MYO18B: variants seen among roughly 807,000 people sequenced by gnomAD.
MYO18B encodes the protein myosin XVIIIB.
A neutral mutation model predicts 273.0 loss-of-function variants in MYO18B; 204 were observed. That is an observed-to-expected ratio of 0.75 (90% CI 0.67 to 0.84). The LOEUF is 0.84. Ranked by LOEUF, MYO18B falls within the 40% of genes least tolerant of loss-of-function variation. The pLI is 0.00. For synonymous variants in MYO18B, 1,330 were observed against 1,305.7 expected, an observed-to-expected ratio of 1.02 and a Z score of -0.40; for missense variants, 3,212 against 3,287.6, an observed-to-expected ratio of 0.98 and a Z score of 0.56.
At chr22:25,990,686 CAAAAAAAAAAAAAAAAAAAAA>C (rs745998234) in intron 39 of MYO18B, among the ~76,000 whole-genome samples, 2 of 27,014 alleles carry the variant, frequency 7.4e-5, no homozygotes, top group Admixed American at 9.5e-4. Flanking sequence ...GACTTTGTCT[CAAAAAAAAAAAAAAAAAAAAA>C]AAAAAAAAAA....
At chr22:25,911,403 G>A (rs994660644) in intron 33 of MYO18B, among the ~76,000 whole-genome samples, 3 of 152,346 alleles carry the variant, frequency 2.0e-5, no homozygotes, top group Admixed American at 2.0e-4. Flanking sequence ...TTTGCTAGAA[G>A]CAGTCAGCCT....
Position 25,893,478 on chromosome 22 carries a change from A to C in MYO18B, c.4544-1678A>C, listed in dbSNP as rs1009779113. On this transcript the variant is annotated intron_variant, in intron 27 of 43. Transcript: ENST00000335473. ...CCCCTCTTGTTCGTGTTGCCCACTC[A>C]TGCCACTTGCTCTATAGCACATCAT... 2.0e-5 allele frequency among the ~76,000 whole-genome samples: 3 copies of C among 152,198 alleles called. No homozygotes were observed. The East Asian group carries it at 5.8e-4, about 29-fold the overall frequency.
intron 7 of MYO18B, among the ~76,000 whole-genome samples, chr22:25,774,735 G>A (rs75530257): frequency 0.013 from 1,993 of 152,338 alleles, 42 homozygotes; most frequent in African/African-American, 0.045. Flanking sequence ...CCACCTCGAG[G>A]ATGGGCTGGG....
chr22:25,826,335 A>C (rs1321156884), intron 13 of MYO18B, 74 bp from the exon 14 acceptor site: 2 of 1,094,358 alleles, frequency 1.8e-6, no homozygotes, highest in East Asian at 4.8e-5. Context: ...AGTGGTCCCT[A>C]CTGCTCTGCA....
chr22:25,791,582 A>C (rs1050585603), intron 11 of MYO18B, among the ~76,000 whole-genome samples: 1 of 152,092 alleles, frequency 6.6e-6, no homozygotes, highest in African/African-American at 2.4e-5. Flanking sequence ...TCTTCTCTAT[A>C]ATTTCTTTTT....
chr22:25,847,235 G>T (rs1013418941), intron 19 of MYO18B, among the ~76,000 whole-genome samples, 195 bp from the exon 20 acceptor site: 1 of 152,190 alleles, frequency 6.6e-6, no homozygotes, highest in African/African-American at 2.4e-5. Context: ...CCATGCCTCA[G>T]TTTCTCCATC....
chr22:25,808,013 C>T (rs1271718157), intron 12 of MYO18B, among the ~76,000 whole-genome samples: 1 of 152,096 alleles, frequency 6.6e-6, no homozygotes, highest in Non-Finnish European at 1.5e-5. Flanking sequence ...GCAAAGTTTC[C>T]ATAGCCAATG....
chr22:26,039,402 A>G, the MYO18B span, among the ~76,000 whole-genome samples: 2 of 152,204 alleles, frequency 1.3e-5, no homozygotes, highest in South Asian at 4.2e-4. Context: ...ATTCATTCAT[A>G]TGCTCACTCA....
At chr22:25,898,249 A>G (rs1218918819) in intron 28 of MYO18B, 58 bp from the exon 29 acceptor site, 90 of 1,555,504 alleles carry the variant, frequency 5.8e-5, no homozygotes, top group Non-Finnish European at 7.5e-5. Context: ...TGAAATACAA[A>G]GTAAAAAGCT....
chr22:25,851,604 G>T (rs756090483), intron 21 of MYO18B, 25 bp downstream of exon 21: 17 of 1,467,010 alleles, frequency 1.2e-5, no homozygotes, highest in Non-Finnish European at 1.4e-5. Context: ...TGCGAGAGGG[G>T]TGAAGGCCCT....
At chr22:26,019,440 C>T (rs781306326) in intron 42 of MYO18B, among the ~76,000 whole-genome samples, 10 of 152,154 alleles carry the variant, frequency 6.6e-5, no homozygotes, top group African/African-American at 9.7e-5. Flanking sequence ...CTGTTGTGAG[C>T]GTAAACTTGA....
At chr22:25,898,227 A>G in intron 28 of MYO18B, 80 bp from the exon 29 acceptor site, 1 of 1,496,166 alleles carries the variant, frequency 6.7e-7, no homozygotes, top group Admixed American at 2.1e-5. Context: ...CACCTTGGAA[A>G]TAGCAACTCC....
intron 1 of MYO18B, among the ~76,000 whole-genome samples, chr22:25,756,055 G>A (rs765204138): frequency 6.6e-6 from 1 of 151,974 alleles, no homozygotes; most frequent in African/African-American, 2.4e-5. Flanking sequence ...CTGCCACCAC[G>A]CCTAGCTAAT....
chr22:25,835,826 A>G (rs2089879733), intron 17 of MYO18B, among the ~76,000 whole-genome samples: 1 of 152,244 alleles, frequency 6.6e-6, no homozygotes. Flanking sequence ...ACAGAGAGCC[A>G]GGAACACGAT....
chr22:25,865,629 T>C (rs1438606432), intron 21 of MYO18B, among the ~76,000 whole-genome samples: 1 of 152,216 alleles, frequency 6.6e-6, no homozygotes, highest in Non-Finnish European at 1.5e-5. Context: ...CCCATCTTTC[T>C]GAATGGAGTC....
chr22:25,848,643 T>C (rs538255119), intron 20 of MYO18B, among the ~76,000 whole-genome samples: 1 of 152,250 alleles, frequency 6.6e-6, no homozygotes, highest in Non-Finnish European at 1.5e-5. Context: ...GTCTGTATTT[T>C]AGTAAGAAAA....
At chr22:25,903,156 C>T in intron 30 of MYO18B, 1 of 199,892 alleles carries the variant, frequency 5.0e-6, no homozygotes, top group Admixed American at 5.4e-5. Flanking sequence ...CGCAGGAGAA[C>T]CTCTGAGCGC....
intron 21 of MYO18B, among the ~76,000 whole-genome samples, chr22:25,862,998 C>T (rs2090782843): frequency 6.6e-6 from 1 of 151,950 alleles, no homozygotes; most frequent in Non-Finnish European, 1.5e-5. Context: ...ATTTATTTTT[C>T]CTCCTTCCTA....
chr22:26,007,263 A>G (rs538714831), intron 42 of MYO18B, among the ~76,000 whole-genome samples: 2 of 152,344 alleles, frequency 1.3e-5, no homozygotes, highest in East Asian at 1.9e-4. Flanking sequence ...TGACCAGAGC[A>G]TCAAGGCTGG....
Sources: gnomAD v4.1 joint callset for allele counts (sites outside exome capture counted in the v4.1 genomes callset) on GRCh38, gnomAD v4.1.1 for gene constraint, MANE v1.5 for transcripts, NCBI Gene and HGNC (gene_info 2026-07-23, HGNC 2026-07-21) for gene names.